THSD4: variants seen among roughly 807,000 people sequenced by gnomAD.
THSD4 encodes thrombospondin type-1 domain-containing protein 4.
THSD4 carries 69 observed loss-of-function variants against 119.0 expected under a neutral mutation model. The ratio of observed to expected loss-of-function variants is 0.58; its 90% CI spans 0.48 to 0.71. The LOEUF (loss-of-function observed/expected upper bound fraction) is 0.71. THSD4 is among the 30% of genes least tolerant of loss of function. The probability of loss-of-function intolerance (pLI) is 0.00; values close to 1 mark genes in which losing one functional copy is unlikely to be tolerated. For missense variants in THSD4, 1,393 were observed against 1,391.1 expected (o/e 1.00, Z -0.02); for synonymous variants, 524 against 540.4 (o/e 0.97, Z 0.42).
intron 6 of THSD4, among the ~76,000 whole-genome samples, chr15:71,391,223 G>T (rs1002554176): frequency 1.3e-5 from 2 of 152,012 alleles, no homozygotes; most frequent in Non-Finnish European, 2.9e-5. Flanking sequence ...TAGAGACGGG[G>T]TTTCACCGTG....
chr15:71,498,439 G>T (rs984639100), intron 7 of THSD4, among the ~76,000 whole-genome samples: 2 of 152,220 alleles, frequency 1.3e-5, no homozygotes, highest in Non-Finnish European at 2.9e-5. Context: ...GCTGATAGTA[G>T]TTGGGAAACA....
intron 5 of THSD4, among the ~76,000 whole-genome samples, chr15:71,247,390 G>A (rs189755365): frequency 6.6e-6 from 1 of 152,308 alleles, no homozygotes; most frequent in African/African-American, 2.4e-5. Context: ...TGGAGACACT[G>A]AGATGCGAGC....
In THSD4 at chr15:71,424,237, A is replaced by G. The variant is rs191280214; in HGVS notation, c.1152+12414A>G. Among the ~76,000 whole-genome samples the G allele has an allele frequency of 3.0e-3, 451 of 152,234 alleles. 3 individuals carry two copies. Among genetic ancestry groups the G allele is most frequent in the Middle Eastern group, 0.01 (3 of 294 alleles). On this transcript the variant is annotated intron_variant, in intron 7 of 17. Coordinates refer to ENST00000261862, the MANE Select transcript of THSD4 (RefSeq NM_024817.3). ...TGTGTGGAGGATGATGATGAAGGCTACTATTCAGCCATCTTGCTCTGCTTC... is the reference window on the plus strand; with the variant it reads ...TGTGTGGAGGATGATGATGAAGGCTGCTATTCAGCCATCTTGCTCTGCTTC...
intron 3 of THSD4, among the ~76,000 whole-genome samples, chr15:71,190,332 G>A (rs2043660287): frequency 6.6e-6 from 1 of 152,196 alleles, no homozygotes; most frequent in Non-Finnish European, 1.5e-5. Flanking sequence ...CCTGGGGAGT[G>A]GTTCTTGACA....
At chr15:71,748,379 T>C in intron 13 of THSD4, 42 bp from the exon 14 acceptor site, 1 of 1,609,532 alleles carries the variant, frequency 6.2e-7, no homozygotes, top group Non-Finnish European at 8.5e-7. Flanking sequence ...CTCCCAGAGC[T>C]GAAGCTGCTG....
chr15:71,765,785 ACTCT>A (rs1268256836), intron 16 of THSD4, among the ~76,000 whole-genome samples: 2 of 126,168 alleles, frequency 1.6e-5, no homozygotes, highest in Non-Finnish European at 3.2e-5. Flanking sequence ...ACACGCACAC[ACTCT>A]CTGTGTGTGT....
At chr15:71,533,283 C>A (rs757025113) in intron 7 of THSD4, among the ~76,000 whole-genome samples, 43 of 152,140 alleles carry the variant, frequency 2.8e-4, no homozygotes, top group Non-Finnish European at 5.6e-4. Flanking sequence ...TAAAAATCAC[C>A]GTGCAGAGGT....
At chr15:71,582,260 T>C (rs913275515) in intron 7 of THSD4, among the ~76,000 whole-genome samples, 3 of 152,262 alleles carry the variant, frequency 2.0e-5, no homozygotes, top group East Asian at 1.9e-4. Context: ...AATGAGATTG[T>C]TTTCTTCATT....
intron 8 of THSD4, among the ~76,000 whole-genome samples, chr15:71,721,794 CA>C (rs1252671423): frequency 6.6e-6 from 1 of 151,704 alleles, no homozygotes; most frequent in Admixed American, 6.6e-5. Context: ...CAGTTTAGGC[CA>C]AAAATATTTG....
At chr15:71,700,147 A>C (rs1466977308) in intron 8 of THSD4, among the ~76,000 whole-genome samples, 2 of 152,166 alleles carry the variant, frequency 1.3e-5, no homozygotes, top group Non-Finnish European at 1.5e-5. Flanking sequence ...AAAAGGATAA[A>C]ACCCACCTTA....
chr15:71,649,852 C>T (rs1437733916), intron 7 of THSD4, among the ~76,000 whole-genome samples: 1 of 152,148 alleles, frequency 6.6e-6, no homozygotes, highest in Non-Finnish European at 1.5e-5. Flanking sequence ...CATTTATTGA[C>T]TAGGGAGTTC....
intron 6 of THSD4, among the ~76,000 whole-genome samples, chr15:71,343,211 C>T (rs1338994336): frequency 6.6e-6 from 1 of 152,096 alleles, no homozygotes; most frequent in East Asian, 1.9e-4. Context: ...TAGCGAGACC[C>T]TATCTCTAGT....
intron 7 of THSD4, among the ~76,000 whole-genome samples, chr15:71,518,003 T>G (rs2048384710): frequency 6.6e-6 from 1 of 152,216 alleles, no homozygotes; most frequent in African/African-American, 2.4e-5. Context: ...GGAGGAGAAC[T>G]GACTAGACTG....
Position 71,480,395 on chromosome 15 carries a change from CATT to C in THSD4, c.1152+68574_1152+68576del, listed in dbSNP as rs533659769. 1.2e-4 allele frequency among the ~76,000 whole-genome samples: 18 copies of C among 152,240 alleles called. No homozygotes were observed. In the South Asian group the frequency reaches 1.7e-3, roughly 14 times the overall value. ...TGTATATATAAATATAGATCATTGT[CATT>C]AATAATAATGACGGTTTAATACTAT... On this transcript the variant is annotated intron_variant, in intron 7 of 17. Coordinates refer to ENST00000261862, the MANE Select transcript of THSD4 (RefSeq NM_024817.3).
rs1189118716 is a variant in THSD4, at chr15:71,341,340, T to C, written c.1016-70347T>C. 3.1e-6 allele frequency: 5 copies of C among 1,607,974 alleles called. No homozygotes were observed. In the Admixed American group the frequency reaches 5.0e-5, roughly 16 times the overall value. ...TGAGCTCTGTAGGTCCGGCGGTGCA[T>C]CTTAGGTGCTTTGTTCACTTGGATA... On this transcript the variant is annotated intron_variant, in intron 6 of 17. Transcript: ENST00000261862.
intron 7 of THSD4, among the ~76,000 whole-genome samples, chr15:71,458,055 A>T (rs755236727): frequency 6.6e-6 from 1 of 152,202 alleles, no homozygotes; most frequent in Admixed American, 6.5e-5. Flanking sequence ...TAAAAGTGAA[A>T]CAATCCGGTG....
At chr15:71,357,579 C>T (rs777055680) in intron 6 of THSD4, among the ~76,000 whole-genome samples, 15 of 152,186 alleles carry the variant, frequency 9.9e-5, no homozygotes, top group Non-Finnish European at 2.1e-4. Context: ...CACGCCCTTG[C>T]TCCCTTTCCC....
chr15:71,536,168 G>T (rs577696700), intron 7 of THSD4, among the ~76,000 whole-genome samples: 102 of 152,152 alleles, frequency 6.7e-4, no homozygotes, highest in Non-Finnish European at 1.3e-3. Flanking sequence ...GAGATCAGAA[G>T]TCCAAAATGG....
chr15:71,697,760 A>G (rs1170708531), intron 8 of THSD4, among the ~76,000 whole-genome samples: 1 of 152,236 alleles, frequency 6.6e-6, no homozygotes, highest in African/African-American at 2.4e-5. Context: ...ATTTGAGTTA[A>G]GTATTTTGCA....
Sources: gnomAD v4.1 joint callset for allele counts (sites outside exome capture counted in the v4.1 genomes callset) on GRCh38, gnomAD v4.1.1 for gene constraint, MANE v1.5 for transcripts, NCBI Gene and HGNC (gene_info 2026-07-23, HGNC 2026-07-21) for gene names.